NAV3: variants seen among roughly 807,000 people sequenced by gnomAD.
NAV3 encodes the protein pore membrane and/or filament interacting like protein 1.
A neutral mutation model predicts 244.7 loss-of-function variants in NAV3; 87 were observed. That is an observed-to-expected ratio of 0.36 (90% CI 0.30 to 0.42). The LOEUF (loss-of-function observed/expected upper bound fraction) is 0.42, where lower values mean the gene tolerates loss of function less well. Among genes scored for constraint, NAV3 ranks in the 20% least tolerant of loss-of-function variants. The pLI, the probability that NAV3 is intolerant of heterozygous loss-of-function variation, is 1.00. For synonymous variants in NAV3, 1,126 were observed against 1,042.2 expected (o/e 1.08, Z -1.55); for missense variants, 2,663 against 2,893.3 (o/e 0.92, Z 1.83).
Position 78,148,903 on chromosome 12 carries a change from C to A in NAV3, c.4769C>A (p.Ser1590Tyr). The A allele has an allele frequency of 6.2e-7, 1 of 1,612,440 alleles. No individual in the cohort carries two copies. Among genetic ancestry groups the A allele is most frequent in the East Asian group, 2.2e-5 (1 of 44,738 alleles). Residue 1590 changes from serine (S) to tyrosine (Y), a missense_variant, in exon 22 of 40, where the codon TCT becomes TAT. Transcript: ENST00000397909. ...ASQEKVATLT[S>Y]QLSANAHLVA... Reference sequence around the variant, plus strand: ...CAAGAAAAAGTTGCTACCCTCACATCTCAGCTTTCAGCAAATGTAAGTCAC... The same window carrying A: ...CAAGAAAAAGTTGCTACCCTCACATATCAGCTTTCAGCAAATGTAAGTCAC...
At chr12:78,102,783 C>T (rs1954602134) in intron 12 of NAV3, among the ~76,000 whole-genome samples, 2 of 152,206 alleles carry the variant, frequency 1.3e-5, no homozygotes, top group African/African-American at 2.4e-5. Flanking sequence ...AGGTTTGGGG[C>T]TTGCACCCTC....
intron 1 of NAV3, among the ~76,000 whole-genome samples, chr12:77,875,772 T>A (rs1001310316): frequency 6.6e-6 from 1 of 152,070 alleles, no homozygotes; most frequent in African/African-American, 2.4e-5. Flanking sequence ...GTCTCTAATG[T>A]GCTTTTATGT....
chr12:78,146,776 C>T (rs952782447), intron 21 of NAV3, among the ~76,000 whole-genome samples: 1 of 152,094 alleles, frequency 6.6e-6, no homozygotes, highest in Admixed American at 6.6e-5. Flanking sequence ...CAAGCCTCCA[C>T]AACACAGGAT....
rs1015621077 is a variant in NAV3, at chr12:77,798,000, C to T, written c.73-142319C>T. On this transcript the variant is annotated intron_variant, in intron 2 of 8. Transcript: ENST00000550042. ...CCTGGGTAACGTGGTGAAACCCTGT[C>T]TCTACTAAAATTACAAAAATTAGTG... is the stretch of plus-strand genomic sequence containing the variant. Among the ~76,000 whole-genome samples, 3 of 151,820 alleles carry T rather than the reference C, an allele frequency of 2.0e-5. No individual in the cohort carries two copies. In the East Asian group the frequency reaches 5.8e-4, roughly 29 times the overall value.
intron 2 of NAV3, among the ~76,000 whole-genome samples, chr12:77,675,380 C>T (rs1874160630): frequency 6.6e-6 from 1 of 152,164 alleles, no homozygotes; most frequent in Non-Finnish European, 1.5e-5. Context: ...GCTGAAGCTG[C>T]TATTCAAAGG....
At chr12:77,804,144 G>A (rs532349182) in intron 2 of NAV3, among the ~76,000 whole-genome samples, 11 of 152,178 alleles carry the variant, frequency 7.2e-5, no homozygotes, top group South Asian at 4.1e-4. Flanking sequence ...CTGTGCAGAA[G>A]CACTTTAATT....
At chr12:77,580,199 T>A (rs1869287623) in intron 2 of NAV3, among the ~76,000 whole-genome samples, 1 of 149,172 alleles carries the variant, frequency 6.7e-6, no homozygotes, top group Non-Finnish European at 1.5e-5. Flanking sequence ...AAGACTTTCT[T>A]TATTTGGGGG....
At chr12:77,864,847 G>T (rs904193121) in intron 1 of NAV3, among the ~76,000 whole-genome samples, 8 of 151,784 alleles carry the variant, frequency 5.3e-5, no homozygotes, top group Non-Finnish European at 1.5e-5. Context: ...TGTTCTTTTT[G>T]ATTCTTGATA....
At chr12:78,154,434 A>G (rs1425786737) in intron 22 of NAV3, among the ~76,000 whole-genome samples, 1 of 148,958 alleles carries the variant, frequency 6.7e-6, no homozygotes, top group South Asian at 2.1e-4. Context: ...TGTAATCTAT[A>G]TGAAGAAATA....
intron 1 of NAV3, among the ~76,000 whole-genome samples, chr12:77,924,732 G>A (rs992509269): frequency 1.1e-4 from 17 of 152,116 alleles, no homozygotes; most frequent in South Asian, 2.1e-4. Context: ...GAAAGTAGTC[G>A]ATCTAAATAT....
intron 2 of NAV3, among the ~76,000 whole-genome samples, chr12:77,585,860 G>A (rs1305776236): frequency 6.6e-6 from 1 of 152,102 alleles, no homozygotes; most frequent in East Asian, 1.9e-4. Context: ...ATATTTAAAT[G>A]TCTATTCTTA....
chr12:77,721,313 C>T (rs1465877825), intron 2 of NAV3, among the ~76,000 whole-genome samples: 1 of 152,016 alleles, frequency 6.6e-6, no homozygotes, highest in Non-Finnish European at 1.5e-5. Context: ...TTTTTACCAA[C>T]CTAATTCGTA....
intron 2 of NAV3, among the ~76,000 whole-genome samples, chr12:77,582,434 G>T (rs919757936): frequency 2.0e-5 from 3 of 152,178 alleles, no homozygotes; most frequent in African/African-American, 7.2e-5. Flanking sequence ...AAACCGGTTT[G>T]ATCATATTAC....
rs1330815033 is a variant in NAV3, at chr12:77,817,060, C to T, written c.73-123259C>T. 2.6e-5 allele frequency among the ~76,000 whole-genome samples: 4 copies of T among 152,142 alleles called. No homozygotes were observed. In the East Asian group the frequency reaches 7.7e-4, roughly 29 times the overall value. On this transcript the variant is annotated intron_variant, in intron 2 of 8. Coordinates refer to the NAV3 transcript ENST00000550042. Reference sequence around the variant, plus strand: ...TTCTTTTTCATTTTGACTTTTTATTCTATTTTCCAATCTATTATCCTCTTT... The same window carrying T: ...TTCTTTTTCATTTTGACTTTTTATTTTATTTTCCAATCTATTATCCTCTTT...
chr12:77,706,127 A>T (rs1283578955), intron 2 of NAV3, among the ~76,000 whole-genome samples: 3 of 151,396 alleles, frequency 2.0e-5, no homozygotes, highest in East Asian at 3.8e-4. Context: ...AATTAAAAAA[A>T]GATTTTTGGT....
chr12:77,973,041 A>G (rs1164321668), intron 5 of NAV3, among the ~76,000 whole-genome samples: 2 of 152,206 alleles, frequency 1.3e-5, no homozygotes, highest in African/African-American at 4.8e-5. Flanking sequence ...ACCTGGTTAT[A>G]TACAAGGTGT....
chr12:78,007,191 T>G lies in NAV3; in HGVS notation c.1653T>G (p.Ser551=). ...ISPGSTASKE[S]EKFRTTKGSP... is the part of the protein sequence containing the mutation. ...CTGGCAGCACAGCAAGCAAAGAGTC[T>G]GAGAAATTCAGGACTACCAAGGGGA... Residue 551 remains serine (S), a synonymous_variant, in exon 8 of 40, where the codon TCT becomes TCG. Transcript: ENST00000397909. 6.2e-7 allele frequency: 1 copy of G among 1,614,138 alleles called. No homozygotes were observed. The highest frequency in any genetic ancestry group is 8.5e-7 in the Non-Finnish European group (1 of 1,180,008).
Position 77,694,315 on chromosome 12 carries a change from T to C in NAV3, c.72+122049T>C, listed in dbSNP as rs1592590270. On this transcript the variant is annotated intron_variant, in intron 2 of 8. Coordinates refer to the NAV3 transcript ENST00000550042. The stretch of plus-strand genomic sequence containing the variant: ...CCCCATCTCTACTAAAAAAAAAAAA[T>C]ACAAAAAATCAGCCAGGCATGGTGG... 2.0e-5 allele frequency among the ~76,000 whole-genome samples: 3 copies of C among 148,056 alleles called. No individual in the cohort carries two copies. The East Asian group carries it at 6.0e-4, about 29-fold the overall frequency.
In NAV3 at chr12:77,765,969, A is replaced by G. The variant is rs529052376; in HGVS notation, c.73-174350A>G. Among the ~76,000 whole-genome samples the G allele has an allele frequency of 2.6e-5, 4 of 152,292 alleles. 1 individual carries two copies. Among genetic ancestry groups the G allele is most frequent in the African/African-American group, 9.6e-5 (4 of 41,550 alleles). ...GTGAGAAATGTGAAATTATTGTTGA[A>G]TTTCAGACCAAGATCTGTGTCAGTG... On this transcript the variant is annotated intron_variant, in intron 2 of 8. Transcript: ENST00000550042.
Sources: gnomAD v4.1 joint callset for allele counts (sites outside exome capture counted in the v4.1 genomes callset) on GRCh38, gnomAD v4.1.1 for gene constraint, MANE v1.5 for transcripts, NCBI Gene and HGNC (gene_info 2026-07-23, HGNC 2026-07-21) for gene names.